Variants in SPIRE1 observed in about 807,000 individuals in gnomAD.
The protein encoded by SPIRE1 is protein spire homolog 1.
In SPIRE1, 40 loss-of-function variants were observed where a neutral mutation model predicts 94.1. The ratio of observed to expected loss-of-function variants is 0.43; its 90% CI spans 0.33 to 0.55. The LOEUF (loss-of-function observed/expected upper bound fraction) is 0.55, where lower values mean the gene tolerates loss of function less well. Among genes scored for constraint, SPIRE1 ranks in the 20% least tolerant of loss-of-function variants. SPIRE1 has a pLI of 0.06. For missense variants in SPIRE1, 838 were observed against 975.2 expected, an observed-to-expected ratio of 0.86 and a Z score of 1.87; for synonymous variants, 376 against 371.7, an observed-to-expected ratio of 1.01 and a Z score of -0.13.
At chr18:12,574,821 G>A (rs1449745122) in intron 2 of SPIRE1, among the ~76,000 whole-genome samples, 2 of 152,138 alleles carry the variant, frequency 1.3e-5, no homozygotes, top group African/African-American at 4.8e-5. Flanking sequence ...AGGGAGAAAA[G>A]GATGAAATCC....
intron 6 of SPIRE1, among the ~76,000 whole-genome samples, chr18:12,498,311 T>C (rs1394883992): frequency 2.6e-5 from 4 of 152,210 alleles, no homozygotes; most frequent in Non-Finnish European, 4.4e-5. Flanking sequence ...TGAGAAATGA[T>C]TCCTGGATGA....
In SPIRE1 at chr18:12,644,127, A is replaced by T. The variant is rs1335105885; in HGVS notation, c.338-9031T>A. ...GGAGGGAGAATCGCTTGAACACAGG[A>T]GGCGGAGGTTGCAGTGAGTTGAGAT... On this transcript the variant is annotated intron_variant, in intron 1 of 16. Coordinates refer to ENST00000409402, the MANE Select transcript of SPIRE1 (RefSeq NM_001128626.2). Among the ~76,000 whole-genome samples, 8 of 140,948 alleles carry T rather than the reference A, an allele frequency of 5.7e-5. No homozygotes were observed. In the Admixed American group the frequency reaches 6.2e-4, roughly 11 times the overall value. The allele number at this position is 140,948 out of a possible 152,430, so 92.5% of individuals were successfully genotyped here. A position where few individuals can be genotyped will look rare whatever the true frequency, so the allele number is the denominator to read the frequency against.
intron 2 of SPIRE1, among the ~76,000 whole-genome samples, chr18:12,550,585 C>T (rs2035319594): frequency 6.6e-6 from 1 of 151,988 alleles, no homozygotes; most frequent in East Asian, 1.9e-4. Context: ...TAGTTTTGAA[C>T]CCCTGGGCTC....
At chr18:12,636,145 G>A (rs576105996) in intron 1 of SPIRE1, among the ~76,000 whole-genome samples, 64 of 151,982 alleles carry the variant, frequency 4.2e-4, no homozygotes, top group Non-Finnish European at 6.9e-4. Context: ...TGCCTGCCTC[G>A]GCCTCCCAAA....
At chr18:12,529,226 G>A (rs376393668) in intron 4 of SPIRE1, among the ~76,000 whole-genome samples, 14 of 152,068 alleles carry the variant, frequency 9.2e-5, no homozygotes, top group African/African-American at 1.4e-4. Context: ...AAAATTAGCC[G>A]GACGTGGTGG....
chr18:12,630,728 G>A (rs555753863), intron 2 of SPIRE1, among the ~76,000 whole-genome samples: 1 of 152,250 alleles, frequency 6.6e-6, no homozygotes, highest in African/African-American at 2.4e-5. Flanking sequence ...GAGAAGGAAA[G>A]GGAGGCCCCA....
intron 4 of SPIRE1, among the ~76,000 whole-genome samples, chr18:12,530,044 A>G (rs1258470321): frequency 1.3e-5 from 2 of 152,180 alleles, no homozygotes; most frequent in Admixed American, 6.6e-5. Context: ...TAGCTTACCA[A>G]TTTTAAAAAG....
At chr18:12,493,476 A>G (rs987616889) in intron 7 of SPIRE1, among the ~76,000 whole-genome samples, 2 of 151,162 alleles carry the variant, frequency 1.3e-5, no homozygotes, top group Non-Finnish European at 3.0e-5. Context: ...GTGCAATCTC[A>G]GCTCACTGCA....
chr18:12,528,874 C>A (rs990375822), intron 4 of SPIRE1, among the ~76,000 whole-genome samples: 19 of 152,192 alleles, frequency 1.2e-4, no homozygotes, highest in Non-Finnish European at 2.2e-4. Flanking sequence ...ACCACAGATT[C>A]TTTAATTCAT....
chr18:12,461,483 T>TGTATGTATGTACATATGTACGTACATAC (rs1568183900), intron 12 of SPIRE1, among the ~76,000 whole-genome samples: 1 of 56,632 alleles, frequency 1.8e-5, no homozygotes, highest in Non-Finnish European at 4.7e-5. Context: ...CGTACATACA[T>TGTATGTATGTACATATGTACGTACATAC]ATGTGTGTAT....
intron 4 of SPIRE1, among the ~76,000 whole-genome samples, chr18:12,526,448 G>A (rs1309418760): frequency 6.6e-6 from 1 of 152,082 alleles, no homozygotes; most frequent in South Asian, 2.1e-4. Flanking sequence ...TTCTAACACG[G>A]TGCTGGATGA....
intron 16 of SPIRE1, chr18:12,450,893 GA>G: frequency 1.4e-6 from 1 of 713,784 alleles, no homozygotes. Context: ...AAAGCTGAAG[GA>G]AAAGTATGAG....
intron 11 of SPIRE1, among the ~76,000 whole-genome samples, chr18:12,463,841 T>C (rs572191571): frequency 1.3e-5 from 2 of 152,358 alleles, no homozygotes; most frequent in South Asian, 4.1e-4. Flanking sequence ...CAAGACATTT[T>C]GTCCTTAGGT....
At chr18:12,539,926 TAA>T (rs71172096) in intron 3 of SPIRE1, among the ~76,000 whole-genome samples, 38 of 120,136 alleles carry the variant, frequency 3.2e-4, no homozygotes, top group Admixed American at 7.6e-4. Flanking sequence ...GACTCTGTCT[TAA>T]AAAAAAAAAA....
chr18:12,643,264 G>C (rs566879326), intron 1 of SPIRE1, among the ~76,000 whole-genome samples: 68 of 152,284 alleles, frequency 4.5e-4, no homozygotes, highest in African/African-American at 1.4e-3. Context: ...CTTTTCCCTA[G>C]TAACAGCAAT....
chr18:12,543,476 G>C (rs1311246719), intron 3 of SPIRE1, among the ~76,000 whole-genome samples: 1 of 152,094 alleles, frequency 6.6e-6, no homozygotes. Context: ...GAACTTTGAA[G>C]ATAGCATTCC....
At chr18:12,482,422 C>T (rs193176631) in intron 9 of SPIRE1, among the ~76,000 whole-genome samples, 209 of 152,148 alleles carry the variant, frequency 1.4e-3, no homozygotes, top group South Asian at 2.9e-3. Flanking sequence ...GGATTACAGG[C>T]ATGAGACACC....
In SPIRE1 at chr18:12,463,393, C is replaced by T. The variant is rs2031952915; in HGVS notation, c.1596G>A (p.Val532=). The T allele has an allele frequency of 3.7e-6, 6 of 1,613,790 alleles. No homozygotes were observed. The highest frequency in any genetic ancestry group is 2.2e-5 in the South Asian group (2 of 91,030). The stretch of plus-strand genomic sequence containing the variant: ...GCCTGGAAGGCGGCAGGAACTGCCT[C>T]ACGTTAGTAGGCGTTTCCTTTTCAA... ...HSIEKETPTN[V]RQFLPPSRQS... Residue 532 remains valine, a synonymous_variant, in exon 12 of 17, where the codon GTG becomes GTA. Coordinates refer to ENST00000409402, the MANE Select transcript of SPIRE1 (RefSeq NM_001128626.2).
intron 2 of SPIRE1, among the ~76,000 whole-genome samples, chr18:12,552,574 C>CA (rs1463582206): frequency 6.6e-6 from 1 of 152,106 alleles, no homozygotes; most frequent in Non-Finnish European, 1.5e-5. Flanking sequence ...GACAGCCCGG[C>CA]ACCACACCCT....
Sources: allele counts gnomAD v4.1 joint callset (sites outside exome capture counted in the v4.1 genomes callset), GRCh38; gene constraint gnomAD v4.1.1; transcripts MANE v1.5; gene names NCBI Gene and HGNC (gene_info 2026-07-23, HGNC 2026-07-21).